RBFOX1: variants seen among roughly 807,000 people sequenced by gnomAD.
RBFOX1 encodes the protein RNA binding fox-1 homolog 1.
In RBFOX1, 8 loss-of-function variants were observed where a neutral mutation model predicts 57.7. The ratio of observed to expected loss-of-function variants is 0.14; its 90% CI spans 0.08 to 0.25. The LOEUF (loss-of-function observed/expected upper bound fraction) is 0.25, where lower values mean the gene tolerates loss of function less well. Among genes scored for constraint, RBFOX1 ranks in the 10% least tolerant of loss-of-function variants. The probability of loss-of-function intolerance (pLI) is 1.00; values close to 1 mark genes in which losing one functional copy is unlikely to be tolerated. For missense variants in RBFOX1, 611 were observed against 548.5 expected, an observed-to-expected ratio of 1.11 and a Z score of -1.14; for synonymous variants, 326 against 222.4, an observed-to-expected ratio of 1.47 and a Z score of -4.15.
intron 1 of RBFOX1, among the ~76,000 whole-genome samples, chr16:6,110,195 C>CTTTTTTTTTTTTTTTTTTTTTTT (rs3049169): frequency 7.8e-6 from 1 of 128,264 alleles, no homozygotes; most frequent in Non-Finnish European, 1.6e-5. Context: ...TTTTCTTCTT[C>CTTTTTTTTTTTTTTTTTTTTTTT]TTTTTTTTTT....
intron 3 of RBFOX1, among the ~76,000 whole-genome samples, chr16:6,810,988 G>T (rs1028979300): frequency 6.6e-6 from 1 of 152,034 alleles, no homozygotes; most frequent in Non-Finnish European, 1.5e-5. Context: ...ATTCCAGAAC[G>T]GATTTACACA....
At chr16:7,008,624 C>G (rs1411037801) in intron 3 of RBFOX1, among the ~76,000 whole-genome samples, 2 of 127,364 alleles carry the variant, frequency 1.6e-5, no homozygotes, top group Non-Finnish European at 3.3e-5. Context: ...TTCCCTCCCT[C>G]CCTCCCTTCC....
chr16:7,348,233 A>G (rs1031590855), intron 4 of RBFOX1, among the ~76,000 whole-genome samples: 6 of 152,192 alleles, frequency 3.9e-5, no homozygotes, highest in Non-Finnish European at 7.3e-5. Context: ...CTACCCAAAA[A>G]TGCCTACTAC....
chr16:5,968,869 A>C (rs185745403), intron 4 of RBFOX1, among the ~76,000 whole-genome samples: 2 of 151,932 alleles, frequency 1.3e-5, no homozygotes. Context: ...TGTGCTACGT[A>C]CTCTTGAATC....
intron 4 of RBFOX1, among the ~76,000 whole-genome samples, chr16:7,440,093 G>A (rs1041328586): frequency 7.9e-5 from 12 of 151,514 alleles, no homozygotes; most frequent in Non-Finnish European, 1.2e-4. Flanking sequence ...CTGGGGTTTT[G>A]CCGTGTCGCC....
intron 4 of RBFOX1, among the ~76,000 whole-genome samples, chr16:7,143,905 T>G (rs1418507481): frequency 6.6e-6 from 1 of 152,188 alleles, no homozygotes; most frequent in African/African-American, 2.4e-5. Flanking sequence ...TAGGAGCTAT[T>G]ACTGTAATGT....
intron 1 of RBFOX1, among the ~76,000 whole-genome samples, chr16:5,295,809 G>T (rs2063653013): frequency 6.6e-6 from 1 of 152,296 alleles, no homozygotes; most frequent in African/African-American, 2.4e-5. Context: ...ACAGGGAAGA[G>T]GTTGTACAAG....
At chr16:5,453,144 T>C (rs1314368180) in intron 1 of RBFOX1, among the ~76,000 whole-genome samples, 1 of 152,156 alleles carries the variant, frequency 6.6e-6, no homozygotes, top group Non-Finnish European at 1.5e-5. Flanking sequence ...CTCCTTTTTC[T>C]CACTCCATCT....
chr16:6,596,002 AG>A (rs918752406), intron 2 of RBFOX1, among the ~76,000 whole-genome samples: 34 of 152,120 alleles, frequency 2.2e-4, no homozygotes, highest in African/African-American at 8.2e-4. Flanking sequence ...GTTGTATGTA[AG>A]GGTTCTATAT....
At chr16:6,823,879 A>G (rs2091733867) in intron 3 of RBFOX1, among the ~76,000 whole-genome samples, 1 of 152,130 alleles carries the variant, frequency 6.6e-6, no homozygotes, top group Admixed American at 6.6e-5. Flanking sequence ...TGAGGGGATT[A>G]CAGATTGCTG....
At chr16:5,406,293 C>T (rs963533408) in intron 1 of RBFOX1, among the ~76,000 whole-genome samples, 57 of 152,018 alleles carry the variant, frequency 3.7e-4, no homozygotes, top group Admixed American at 2.8e-3. Context: ...GTACTCTACC[C>T]CAGTGTGGGT....
intron 3 of RBFOX1, among the ~76,000 whole-genome samples, chr16:6,785,851 T>C (rs2081868476): frequency 7.2e-6 from 1 of 138,514 alleles, no homozygotes; most frequent in African/African-American, 2.8e-5. Context: ...AGACTCAAAG[T>C]CCATTAGACT....
intron 3 of RBFOX1, among the ~76,000 whole-genome samples, chr16:5,611,674 C>A (rs1371095541): frequency 6.7e-6 from 1 of 150,344 alleles, no homozygotes; most frequent in African/African-American, 2.4e-5. Flanking sequence ...ACTCTCTCAT[C>A]CATCCATCCA....
intron 4 of RBFOX1, chr16:7,332,770 C>T: frequency 7.2e-7 from 1 of 1,382,320 alleles, no homozygotes; most frequent in South Asian, 1.8e-5. Flanking sequence ...TTGGTAGCTT[C>T]AACTTTGCAG....
At chr16:6,801,718 G>T (rs2085504644) in intron 3 of RBFOX1, among the ~76,000 whole-genome samples, 3 of 152,084 alleles carry the variant, frequency 2.0e-5, no homozygotes, top group Admixed American at 1.3e-4. Context: ...GATGAACTGG[G>T]GAGGAAGAGA....
intron 2 of RBFOX1, among the ~76,000 whole-genome samples, chr16:6,580,147 C>G (rs1445927926): frequency 6.6e-6 from 1 of 152,026 alleles, no homozygotes; most frequent in African/African-American, 2.4e-5. Flanking sequence ...TTAGAAGAGA[C>G]AGGGTTTCAC....
intron 3 of RBFOX1, among the ~76,000 whole-genome samples, chr16:5,844,857 CT>C (rs1307597390): frequency 1.3e-5 from 2 of 152,102 alleles, no homozygotes; most frequent in Non-Finnish European, 2.9e-5. Context: ...TAATTAGGGC[CT>C]TGTAATGACC....
intron 1 of RBFOX1, among the ~76,000 whole-genome samples, chr16:6,231,239 G>C (rs112584887): frequency 6.7e-6 from 1 of 149,240 alleles, no homozygotes; most frequent in Non-Finnish European, 1.5e-5. Flanking sequence ...TGTGTGTGTA[G>C]GTGTGTGTGT....
intron 4 of RBFOX1, among the ~76,000 whole-genome samples, chr16:7,401,956 G>A (rs2098251386): frequency 6.6e-6 from 1 of 152,148 alleles, no homozygotes; most frequent in Non-Finnish European, 1.5e-5. Context: ...AATGTCATCT[G>A]TTAATAATAC....
Sources: gnomAD v4.1 joint callset for allele counts (sites outside exome capture counted in the v4.1 genomes callset) on GRCh38, gnomAD v4.1.1 for gene constraint, MANE v1.5 for transcripts, NCBI Gene and HGNC (gene_info 2026-07-23, HGNC 2026-07-21) for gene names.